TRAPPC9: variants seen among roughly 807,000 people sequenced by gnomAD.
TRAPPC9 encodes trafficking protein particle complex subunit 9, also known as IKK2 binding protein.
A neutral mutation model predicts 124.0 loss-of-function variants in TRAPPC9; 83 were observed. The observed-to-expected ratio is 0.67, with a 90% CI of 0.56 to 0.80. The LOEUF is 0.80. Among genes scored for constraint, TRAPPC9 ranks in the 30% least tolerant of loss-of-function variants. The pLI, the probability that TRAPPC9 is intolerant of heterozygous loss-of-function variation, is 0.00. For missense variants in TRAPPC9, 1,302 were observed against 1,508.3 expected, an observed-to-expected ratio of 0.86 and a Z score of 2.27; for synonymous variants, 638 against 617.5, an observed-to-expected ratio of 1.03 and a Z score of -0.49.
intron 11 of TRAPPC9, among the ~76,000 whole-genome samples, chr8:140,295,768 G>C (rs971439378): frequency 1.3e-5 from 2 of 152,196 alleles, no homozygotes; most frequent in African/African-American, 2.4e-5. Flanking sequence ...CATTTAGAGA[G>C]ACTGGAAATT....
At chr8:140,056,923 G>T (rs752490873) in intron 17 of TRAPPC9, among the ~76,000 whole-genome samples, 26 of 152,142 alleles carry the variant, frequency 1.7e-4, no homozygotes, top group African/African-American at 6.0e-4. Flanking sequence ...TCTGATAAGG[G>T]ATTAATATCC....
At chr8:140,355,278 T>C (rs562139101) in intron 9 of TRAPPC9, among the ~76,000 whole-genome samples, 92 of 152,326 alleles carry the variant, frequency 6.0e-4, no homozygotes, top group African/African-American at 2.0e-3. Context: ...TATGGAAGCA[T>C]AGTGATTTCG....
chr8:140,261,364 C>G (rs2131553874), intron 15 of TRAPPC9, among the ~76,000 whole-genome samples: 1 of 152,310 alleles, frequency 6.6e-6, no homozygotes, highest in South Asian at 2.1e-4. Flanking sequence ...GAGGTTGTCT[C>G]TGATTGTAGG....
At chr8:140,385,793 G>T (rs1023164874) in intron 7 of TRAPPC9, among the ~76,000 whole-genome samples, 1 of 152,180 alleles carries the variant, frequency 6.6e-6, no homozygotes, top group Non-Finnish European at 1.5e-5. Flanking sequence ...TAGAAAAAGA[G>T]GGAATCCTCC....
At chr8:140,126,863 C>T (rs1452150084) in intron 17 of TRAPPC9, among the ~76,000 whole-genome samples, 3 of 152,144 alleles carry the variant, frequency 2.0e-5, no homozygotes, top group African/African-American at 2.4e-5. Context: ...AGTATTTGGA[C>T]GACACTGAAC....
At chr8:140,198,102 T>C (rs1049730382) in intron 17 of TRAPPC9, among the ~76,000 whole-genome samples, 3 of 152,172 alleles carry the variant, frequency 2.0e-5, no homozygotes, top group African/African-American at 7.2e-5. Context: ...TGCAAAATGA[T>C]GACTGAGGCA....
chr8:140,306,492 C>CAAA (rs11447991), intron 10 of TRAPPC9, among the ~76,000 whole-genome samples: 155 of 115,376 alleles, frequency 1.3e-3, no homozygotes, highest in East Asian at 0.013. Context: ...GACTCTGTCT[C>CAAA]AAAAAAAAAA....
intron 17 of TRAPPC9, among the ~76,000 whole-genome samples, chr8:140,086,708 G>T (rs1563749921): frequency 6.6e-6 from 1 of 152,102 alleles, no homozygotes; most frequent in Non-Finnish European, 1.5e-5. Context: ...ATCCTGGGTG[G>T]ATCACAAGGT....
At chr8:140,068,286 C>A (rs1261303095) in intron 17 of TRAPPC9, among the ~76,000 whole-genome samples, 2 of 152,110 alleles carry the variant, frequency 1.3e-5, no homozygotes, top group Non-Finnish European at 2.9e-5. Flanking sequence ...GAAGAGAATA[C>A]AGAAGGCTTT....
At chr8:139,736,833 G>A (rs1818201892) in intron 21 of TRAPPC9, among the ~76,000 whole-genome samples, 1 of 152,234 alleles carries the variant, frequency 6.6e-6, no homozygotes, top group African/African-American at 2.4e-5. Context: ...GCCCGAACAA[G>A]CGGTGTCCAG....
chr8:140,082,619 G>C (rs1563746792), intron 17 of TRAPPC9, among the ~76,000 whole-genome samples: 1 of 152,208 alleles, frequency 6.6e-6, no homozygotes, highest in Non-Finnish European at 1.5e-5. Flanking sequence ...GAATAGCCTA[G>C]CCTTTGACAA....
intron 7 of TRAPPC9, among the ~76,000 whole-genome samples, chr8:140,393,899 A>G (rs959815294): frequency 5.3e-5 from 8 of 152,176 alleles, no homozygotes; most frequent in African/African-American, 1.9e-4. Flanking sequence ...GAGTCAACTC[A>G]AGCCAAGCGT....
chr8:139,731,910 A>G, intron 22 of TRAPPC9, 69 bp downstream of exon 22: 1 of 1,437,596 alleles, frequency 7.0e-7, no homozygotes, highest in Non-Finnish European at 9.6e-7. Flanking sequence ...AAAGCCCACC[A>G]CCCAGGGAAG....
In TRAPPC9 at chr8:140,435,093, G is replaced by A. The variant is rs946632354; in HGVS notation, c.859+19C>T. ...AAAGACTGCAAGTGAGCAGAGGCCG[G>A]AAAAAGGGCAGAGCTCACCTGGCCG... On this transcript the variant is annotated intron_variant, in intron 4 of 22. Transcript: ENST00000438773. The A allele has an allele frequency of 6.2e-7, 1 of 1,614,070 alleles. No individual in the cohort carries two copies. Among genetic ancestry groups the A allele is most frequent in the Admixed American group, 1.7e-5 (1 of 60,002 alleles).
intron 18 of TRAPPC9, among the ~76,000 whole-genome samples, chr8:139,990,505 C>T (rs1563670599): frequency 2.0e-5 from 3 of 152,170 alleles, no homozygotes; most frequent in Non-Finnish European, 2.9e-5. Flanking sequence ...CAAAAGGCCA[C>T]GGGGCATCTG....
chr8:140,049,150 G>A (rs1841814252), intron 17 of TRAPPC9, among the ~76,000 whole-genome samples: 3 of 152,130 alleles, frequency 2.0e-5, no homozygotes, highest in Admixed American at 6.5e-5. Context: ...ATATAGATAT[G>A]GAAACAGAAA....
At chr8:140,239,426 G>A (rs2063806790) in intron 16 of TRAPPC9, among the ~76,000 whole-genome samples, 1 of 152,228 alleles carries the variant, frequency 6.6e-6, no homozygotes, top group East Asian at 1.9e-4. Flanking sequence ...TTCTGAGGCA[G>A]TAAGAAAAGC....
intron 17 of TRAPPC9, among the ~76,000 whole-genome samples, chr8:140,103,767 A>C (rs2060620463): frequency 6.6e-6 from 1 of 152,180 alleles, no homozygotes; most frequent in African/African-American, 2.4e-5. Context: ...ACACACGACT[A>C]TTCTTTTTAC....
At chr8:140,030,726 C>T (rs558517085) in intron 17 of TRAPPC9, among the ~76,000 whole-genome samples, 1 of 152,148 alleles carries the variant, frequency 6.6e-6, no homozygotes, top group Non-Finnish European at 1.5e-5. Flanking sequence ...GAATCCAAAA[C>T]CCCTTATTCT....
Sources: allele counts gnomAD v4.1 joint callset (sites outside exome capture counted in the v4.1 genomes callset), GRCh38; gene constraint gnomAD v4.1.1; transcripts MANE v1.5; gene names NCBI Gene and HGNC (gene_info 2026-07-23, HGNC 2026-07-21).